Variants in DAB1 observed in about 807,000 individuals in gnomAD.
DAB1 encodes the protein disabled homolog 1.
Under a neutral mutation model 64.6 loss-of-function variants are expected in DAB1, and 15 were observed. That is an observed-to-expected ratio of 0.23 (90% CI 0.16 to 0.36). The LOEUF (loss-of-function observed/expected upper bound fraction) is 0.36. Ranked by LOEUF, DAB1 falls within the 10% of genes least tolerant of loss-of-function variation. The pLI is 1.00. For missense variants in DAB1, 596 were observed against 706.7 expected (o/e 0.84, Z 1.78); for synonymous variants, 235 against 251.9 (o/e 0.93, Z 0.64).
At chr1:57,701,635 T>C (rs1385302039) in intron 6 of DAB1, among the ~76,000 whole-genome samples, 1 of 151,862 alleles carries the variant, frequency 6.6e-6, no homozygotes, top group Non-Finnish European at 1.5e-5. Context: ...ATGGCACATG[T>C]ATACATATGT....
chr1:57,254,999 T>C (rs1380763388), intron 2 of DAB1, among the ~76,000 whole-genome samples: 2 of 152,184 alleles, frequency 1.3e-5, no homozygotes, highest in Non-Finnish European at 2.9e-5. Flanking sequence ...GGCAAAAGAC[T>C]ACTATTTTTT....
intron 3 of DAB1, among the ~76,000 whole-genome samples, chr1:58,489,154 C>T (rs778775012): frequency 6.6e-6 from 1 of 152,194 alleles, no homozygotes; most frequent in Non-Finnish European, 1.5e-5. Context: ...CATCGTGTCA[C>T]CCGGGAAGTG....
At chr1:58,477,260 C>T (rs1383762259) in intron 3 of DAB1, among the ~76,000 whole-genome samples, 4 of 152,134 alleles carry the variant, frequency 2.6e-5, no homozygotes, top group Non-Finnish European at 1.5e-5. Context: ...CTTGTAAACG[C>T]TAAAGCAAAT....
intron 2 of DAB1, among the ~76,000 whole-genome samples, chr1:57,159,418 T>C (rs1557834799): frequency 6.6e-6 from 1 of 152,120 alleles, no homozygotes; most frequent in African/African-American, 2.4e-5. Flanking sequence ...TCCCTGGTGG[T>C]GGTTCCCACA....
At chr1:57,191,412 A>G (rs907921440) in intron 2 of DAB1, among the ~76,000 whole-genome samples, 1 of 152,174 alleles carries the variant, frequency 6.6e-6, no homozygotes, top group East Asian at 1.9e-4. Context: ...AACACAGTCT[A>G]TATTGGGTCT....
At chr1:57,918,617 G>A (rs1470818283) in intron 5 of DAB1, among the ~76,000 whole-genome samples, 1 of 152,150 alleles carries the variant, frequency 6.6e-6, no homozygotes, top group Non-Finnish European at 1.5e-5. Flanking sequence ...AAAGTCAGGA[G>A]ATACAGACCA....
At chr1:58,166,857 T>C (rs1256235002) in intron 4 of DAB1, among the ~76,000 whole-genome samples, 1 of 151,758 alleles carries the variant, frequency 6.6e-6, no homozygotes, top group Non-Finnish European at 1.5e-5. Flanking sequence ...GTGATTCTCA[T>C]GCCTCAGCCT....
At chr1:57,062,758 C>T in intron 9 of DAB1, 126 bp downstream of exon 9, 2 of 773,932 alleles carry the variant, frequency 2.6e-6, no homozygotes, top group Non-Finnish European at 4.3e-6. Context: ...AGCATGCAGT[C>T]CCCAGCAGAA....
chr1:58,145,811 A>C (rs1303611196), intron 5 of DAB1, among the ~76,000 whole-genome samples: 1 of 152,274 alleles, frequency 6.6e-6, no homozygotes, highest in Non-Finnish European at 1.5e-5. Context: ...GAATTTAAGC[A>C]GGAATATCTG....
intron 2 of DAB1, among the ~76,000 whole-genome samples, chr1:57,241,840 T>C (rs80195629): frequency 0.018 from 2,802 of 152,262 alleles, 91 homozygotes; most frequent in African/African-American, 0.063. Flanking sequence ...CGTTCATATG[T>C]CTACTGCTAG....
chr1:57,856,644 A>G (rs1243903540), intron 1 of DAB1, among the ~76,000 whole-genome samples: 6 of 151,976 alleles, frequency 3.9e-5, no homozygotes, highest in Non-Finnish European at 1.5e-5. Context: ...CGCACCTGTA[A>G]TCTCAGCTAC....
At chr1:57,838,693 C>G (rs192302140) in intron 1 of DAB1, among the ~76,000 whole-genome samples, 12 of 152,202 alleles carry the variant, frequency 7.9e-5, no homozygotes, top group African/African-American at 2.9e-4. Context: ...TCTCAGGCTT[C>G]TCATTCAAAG....
At chr1:57,161,631 A>T (rs1028001230) in intron 2 of DAB1, among the ~76,000 whole-genome samples, 1 of 152,210 alleles carries the variant, frequency 6.6e-6, no homozygotes, top group African/African-American at 2.4e-5. Context: ...TATTTTTAAA[A>T]TTTTTGTATT....
chr1:57,364,470 G>T (rs1679805140), intron 1 of DAB1, among the ~76,000 whole-genome samples: 1 of 152,100 alleles, frequency 6.6e-6, no homozygotes, highest in Non-Finnish European at 1.5e-5. Flanking sequence ...ACCCTGCTCT[G>T]CACGCAGGCA....
At chr1:57,705,703 T>G (rs1413507582) in intron 6 of DAB1, among the ~76,000 whole-genome samples, 1 of 152,134 alleles carries the variant, frequency 6.6e-6, no homozygotes. Context: ...CTTTAATTTT[T>G]GCCTAATATT....
At chr1:58,034,349 G>A (rs760975427) in intron 5 of DAB1, among the ~76,000 whole-genome samples, 18 of 152,214 alleles carry the variant, frequency 1.2e-4, no homozygotes, top group Admixed American at 2.6e-4. Flanking sequence ...GATCTTGAAA[G>A]AGGATTCTGC....
chr1:57,483,036 G>T (rs1025111848), intron 7 of DAB1, among the ~76,000 whole-genome samples: 1 of 152,132 alleles, frequency 6.6e-6, no homozygotes, highest in African/African-American at 2.4e-5. Flanking sequence ...GATTGCTTAT[G>T]ATATCTTAAA....
chr1:57,832,459 A>G (rs1351122114), intron 1 of DAB1, among the ~76,000 whole-genome samples: 1 of 152,240 alleles, frequency 6.6e-6, no homozygotes, highest in Non-Finnish European at 1.5e-5. Context: ...TAGATGGAAC[A>G]GATCTTGGTC....
intron 4 of DAB1, among the ~76,000 whole-genome samples, chr1:57,102,055 A>G (rs2100694242): frequency 6.6e-6 from 1 of 152,266 alleles, no homozygotes; most frequent in Middle Eastern, 3.4e-3. Context: ...CCTTGCTCTC[A>G]ATGAGCTTGC....
Sources: allele counts gnomAD v4.1 joint callset (sites outside exome capture counted in the v4.1 genomes callset), GRCh38; gene constraint gnomAD v4.1.1; transcripts MANE v1.5; gene names NCBI Gene and HGNC (gene_info 2026-07-23, HGNC 2026-07-21).